TPST2: variants seen among roughly 807,000 people sequenced by gnomAD.
TPST2 encodes the protein protein-tyrosine sulfotransferase 2.
TPST2 carries 16 observed loss-of-function variants against 27.8 expected under a neutral mutation model. The observed-to-expected ratio is 0.58, with a 90% CI of 0.39 to 0.88. The LOEUF (loss-of-function observed/expected upper bound fraction) is 0.88. Among genes scored for constraint, TPST2 ranks in the 40% least tolerant of loss-of-function variants. The pLI, the probability that TPST2 is intolerant of heterozygous loss-of-function variation, is 0.00. For missense variants in TPST2, 464 were observed against 543.1 expected (o/e 0.85, Z 1.45); for synonymous variants, 229 against 231.7 (o/e 0.99, Z 0.10).
intron 5 of TPST2, 94 bp downstream of exon 5, chr22:26,532,601 C>G: frequency 7.5e-7 from 1 of 1,333,994 alleles, no homozygotes; most frequent in Admixed American, 2.1e-5. Flanking sequence ...AAACCATCAA[C>G]CAGAGTGGAG....
At chr22:26,579,772 G>A (rs950626446) in intron 1 of TPST2, among the ~76,000 whole-genome samples, 3 of 152,078 alleles carry the variant, frequency 2.0e-5, no homozygotes, top group Non-Finnish European at 4.4e-5. Context: ...AGAAGACAGA[G>A]AGAGAAAAAA....
At chr22:26,534,730 T>A (rs553875686) in intron 4 of TPST2, among the ~76,000 whole-genome samples, 1 of 152,352 alleles carries the variant, frequency 6.6e-6, no homozygotes, top group Non-Finnish European at 1.5e-5. Flanking sequence ...GATTGTGAGA[T>A]CACTACCATC....
intron 1 of TPST2, among the ~76,000 whole-genome samples, chr22:26,572,920 G>A (rs765787954): frequency 1.3e-5 from 2 of 152,052 alleles, no homozygotes; most frequent in African/African-American, 2.4e-5. Context: ...AAAAGAATGC[G>A]TTTTGCAGAA....
intron 1 of TPST2, among the ~76,000 whole-genome samples, chr22:26,551,485 G>A (rs1926465293): frequency 6.6e-6 from 1 of 152,168 alleles, no homozygotes; most frequent in African/African-American, 2.4e-5. Context: ...ATGCAGCTGG[G>A]AGGCAGGGGA....
In TPST2 at chr22:26,551,275, G is replaced by T. The variant is rs968994707; in HGVS notation, c.-160-6600C>A. On this transcript the variant is annotated intron_variant, in intron 1 of 6. Coordinates refer to ENST00000338754, the MANE Select transcript of TPST2 (RefSeq NM_003595.5). Reference sequence around the variant, plus strand: ...CACTCCAATCTGGGTGACAGGGAGAGATTCTGCCTAAAAAACAAACAAACA... The same window carrying T: ...CACTCCAATCTGGGTGACAGGGAGATATTCTGCCTAAAAAACAAACAAACA... Among the ~76,000 whole-genome samples, 9 of 152,284 alleles carry T rather than the reference G, an allele frequency of 5.9e-5. No homozygotes were observed. In the East Asian group the frequency reaches 1.7e-3, roughly 29 times the overall value.
intron 6 of TPST2, 108 bp downstream of exon 6, chr22:26,528,106 T>C: frequency 7.6e-7 from 1 of 1,321,526 alleles, no homozygotes; most frequent in Non-Finnish European, 1.1e-6. Context: ...CTAGTGGACA[T>C]GTCTACCCCA....
intron 1 of TPST2, among the ~76,000 whole-genome samples, chr22:26,580,755 T>G (rs2147241179): frequency 6.6e-6 from 1 of 152,270 alleles, no homozygotes; most frequent in East Asian, 1.9e-4. Context: ...GAGCCGGTTG[T>G]GTCCGATCTT....
intron 1 of TPST2, among the ~76,000 whole-genome samples, chr22:26,556,739 A>G (rs899259261): frequency 1.3e-5 from 2 of 152,148 alleles, no homozygotes; most frequent in Non-Finnish European, 2.9e-5. Context: ...TCCGTTATGG[A>G]CACAAAATCT....
chr22:26,558,692 T>G (rs1299679883), intron 1 of TPST2, among the ~76,000 whole-genome samples: 1 of 152,070 alleles, frequency 6.6e-6, no homozygotes, highest in African/African-American at 2.4e-5. Context: ...CTGGCCACCC[T>G]AGGGAGAGCA....
chr22:26,547,689 C>T (rs918602028), intron 1 of TPST2: 1 of 152,210 alleles, frequency 6.6e-6, no homozygotes, highest in Non-Finnish European at 1.5e-5. Flanking sequence ...GTGGTGCACG[C>T]CTGTAGTCCC....
At chr22:26,542,001 T>G (rs972145423) in intron 2 of TPST2, among the ~76,000 whole-genome samples, 1 of 152,060 alleles carries the variant, frequency 6.6e-6, no homozygotes, top group Admixed American at 6.6e-5. Context: ...ATTACAGGCA[T>G]GAGCCACCCG....
At chr22:26,553,942 G>A (rs1421218335) in intron 1 of TPST2, among the ~76,000 whole-genome samples, 1 of 152,128 alleles carries the variant, frequency 6.6e-6, no homozygotes, top group East Asian at 1.9e-4. Flanking sequence ...ATTTTTTCCC[G>A]AATATTTTTG....
chr22:26,538,109 A>G (rs1026044940), intron 3 of TPST2, among the ~76,000 whole-genome samples: 1 of 152,106 alleles, frequency 6.6e-6, no homozygotes, highest in Admixed American at 6.6e-5. Context: ...ATGGTGGGGA[A>G]CCCCCAGGAT....
chr22:26,550,035 A>G (rs868291253), intron 1 of TPST2, among the ~76,000 whole-genome samples: 50 of 102,458 alleles, frequency 4.9e-4, no homozygotes, highest in Middle Eastern at 4.6e-3. Flanking sequence ...GCAAGACTCC[A>G]TCTCAAAAAA....
At chr22:26,535,885 T>A in intron 4 of TPST2, 1 of 347,328 alleles carries the variant, frequency 2.9e-6, no homozygotes, top group South Asian at 2.3e-5. Context: ...GAAATCCACA[T>A]TAAACCTTAT....
chr22:26,545,721 CTT>C (rs1486832199), intron 1 of TPST2, among the ~76,000 whole-genome samples: 3 of 152,206 alleles, frequency 2.0e-5, no homozygotes, highest in African/African-American at 7.2e-5. Flanking sequence ...TCCTCTCAGA[CTT>C]TTCCTATTCT....
chr22:26,538,363 C>T (rs1925596909), intron 3 of TPST2, among the ~76,000 whole-genome samples: 1 of 152,196 alleles, frequency 6.6e-6, no homozygotes, highest in Non-Finnish European at 1.5e-5. Flanking sequence ...CCTTGTGTCT[C>T]TAGGACTTTA....
intron 3 of TPST2, among the ~76,000 whole-genome samples, chr22:26,539,603 GAAAAA>G (rs975535326): frequency 1.5e-5 from 2 of 137,758 alleles, no homozygotes; most frequent in African/African-American, 2.7e-5. Context: ...TCTCTACTAG[GAAAAA>G]AAAAAAAAAA....
intron 1 of TPST2, among the ~76,000 whole-genome samples, chr22:26,559,628 C>A (rs1926980140): frequency 6.6e-6 from 1 of 152,242 alleles, no homozygotes; most frequent in African/African-American, 2.4e-5. Context: ...CTGAACATTT[C>A]ATAAAAATGG....
Sources: allele counts gnomAD v4.1 joint callset (sites outside exome capture counted in the v4.1 genomes callset), GRCh38; gene constraint gnomAD v4.1.1; transcripts MANE v1.5; gene names NCBI Gene and HGNC (gene_info 2026-07-23, HGNC 2026-07-21).